TRMT11: variants seen among roughly 807,000 people sequenced by gnomAD.
TRMT11 encodes the protein tRNA methyltransferase 11.
In TRMT11, 53 loss-of-function variants were observed where a neutral mutation model predicts 62.8. That is an observed-to-expected ratio of 0.84 (90% confidence interval 0.68 to 1.06). TRMT11 has a LOEUF of 1.06. Ranked by LOEUF, TRMT11 falls within the 50% of genes least tolerant of loss-of-function variation. The pLI is 0.00. For synonymous variants in TRMT11, 188 were observed against 190.3 expected (o/e 0.99, Z 0.10); for missense variants, 556 against 553.4 (o/e 1.00, Z -0.05).
At chr6:126,099,278 G>C (rs1777371754) in intron 17 of TRMT11, among the ~76,000 whole-genome samples, 1 of 152,156 alleles carries the variant, frequency 6.6e-6, no homozygotes, top group Non-Finnish European at 1.5e-5. Context: ...GCACATCTTT[G>C]CTTTCACTTA....
At chr6:126,139,620 C>T (rs887929468) in intron 21 of TRMT11, among the ~76,000 whole-genome samples, 5 of 152,104 alleles carry the variant, frequency 3.3e-5, no homozygotes, top group Non-Finnish European at 7.4e-5. Context: ...CCACCCACCT[C>T]ACTCTCCCAA....
At chr6:126,102,528 A>G (rs1386935356) in intron 17 of TRMT11, among the ~76,000 whole-genome samples, 1 of 151,852 alleles carries the variant, frequency 6.6e-6, no homozygotes, top group Non-Finnish European at 1.5e-5. Context: ...AGAAGATGAA[A>G]TAAACAAGCC....
chr6:125,998,077 T>C lies in TRMT11; in HGVS notation c.237T>C (p.His79=). 6.2e-7 allele frequency: 1 copy of C among 1,613,096 alleles called. No homozygotes were observed. Among genetic ancestry groups the C allele is most frequent in the Non-Finnish European group, 8.5e-7 (1 of 1,179,400 alleles). The part of the protein sequence containing the change: ...CAKSIFELWG[H]GQSPEELYSS... ...GGTCTATATTTGAACTATGGGGTCA[T>C]GGACAATCTCCTGAGGAGCTGTACA... is the stretch of plus-strand genomic sequence containing the variant. Residue 79 remains histidine (H), a synonymous_variant, in exon 4 of 13, where the codon CAT becomes CAC. Transcript: ENST00000334379.
the TRMT11 span, among the ~76,000 whole-genome samples, chr6:126,222,162 A>T: frequency 6.6e-6 from 1 of 152,040 alleles, no homozygotes; most frequent in African/African-American, 2.4e-5. Context: ...CTGTTCCATT[A>T]GTCTATGTGT....
chr6:126,008,407 C>T lies in TRMT11; in HGVS notation c.695C>T (p.Ala232Val). 2 of 1,613,072 alleles carry T rather than the reference C, an allele frequency of 1.2e-6. No individual in the cohort carries two copies. The highest frequency in any genetic ancestry group is 1.7e-6 in the Non-Finnish European group (2 of 1,179,184). ...PFVGTGGLLI[A>V]CAHFGAYVYG... ...GATTTTTCAGGTGGCCTGCTGATAG[C>T]ATGTGCTCATTTTGGTGCATATGTG... Residue 232 changes from alanine (A) to valine (V), a missense_variant, in exon 8 of 13, where the codon GCA becomes GTA. Physicochemically the swap from Ala to Val is moderately conservative, Grantham distance 64. Coordinates refer to ENST00000334379, the MANE Select transcript of TRMT11 (RefSeq NM_001031712.3).
chr6:126,196,483 T>G (rs1191091035), intron 1 of TRMT11, among the ~76,000 whole-genome samples: 1 of 152,046 alleles, frequency 6.6e-6, no homozygotes, highest in African/African-American at 2.4e-5. Context: ...AAATTTTCTT[T>G]TTATTAATAA....
At chr6:126,011,203 T>A (rs746440652) in intron 8 of TRMT11, 50 bp from the exon 9 acceptor site, 2 of 1,461,754 alleles carry the variant, frequency 1.4e-6, no homozygotes, top group Admixed American at 2.2e-5. Context: ...TGACAGAAAA[T>A]AAGAATACTC....
At chr6:126,242,140 A>G in the TRMT11 span, among the ~76,000 whole-genome samples, 1 of 152,214 alleles carries the variant, frequency 6.6e-6, no homozygotes, top group African/African-American at 2.4e-5. Context: ...TATACCAATA[A>G]CAGACAAACA....
the TRMT11 span, among the ~76,000 whole-genome samples, chr6:126,227,097 G>A: frequency 6.6e-6 from 1 of 152,148 alleles, no homozygotes; most frequent in African/African-American, 2.4e-5. Context: ...TGCCCAGTTT[G>A]GGTATTCTTT....
At chr6:126,090,341 AAGTAT>A (rs1263232060) in intron 17 of TRMT11, among the ~76,000 whole-genome samples, 9 of 152,198 alleles carry the variant, frequency 5.9e-5, no homozygotes, top group Non-Finnish European at 1.2e-4. Context: ...CTTTTGAGTG[AAGTAT>A]GACTTAGACA....
At chr6:126,199,032 A>T (rs183917763) in intron 2 of TRMT11, among the ~76,000 whole-genome samples, 53 of 152,348 alleles carry the variant, frequency 3.5e-4, no homozygotes, top group African/African-American at 1.2e-3. Context: ...CTATAACTAA[A>T]GTACTTTGAG....
At chr6:126,211,888 A>AT in the TRMT11 span, among the ~76,000 whole-genome samples, 6 of 151,820 alleles carry the variant, frequency 4.0e-5, no homozygotes. Flanking sequence ...TTTTCTAACT[A>AT]TTTTTTGTAT....
upstream of TRMT11, among the ~76,000 whole-genome samples, chr6:126,173,531 C>T (rs527871618): frequency 1.8e-4 from 27 of 152,134 alleles, no homozygotes; most frequent in Admixed American, 3.3e-4. Flanking sequence ...GCAAGGCAGT[C>T]GGGGCAAGCA....
In TRMT11 at chr6:126,039,032, T is replaced by G; in HGVS notation, c.*196T>G. 1 of 435,716 alleles carries G rather than the reference T, an allele frequency of 2.3e-6. No homozygotes were observed. Among genetic ancestry groups the G allele is most frequent in the Non-Finnish European group, 4.0e-6 (1 of 250,652 alleles). The allele number at this position is 435,716 out of a possible 1,614,324, so 27.0% of individuals were successfully genotyped here. Reference sequence around the variant, plus strand: ...TTTTTTGTTGTATGTATTACAGTCTTTATAATCTTATTTAATGTATATTTG... The same window carrying G: ...TTTTTTGTTGTATGTATTACAGTCTGTATAATCTTATTTAATGTATATTTG... On this transcript the variant is annotated 3_prime_UTR_variant, in exon 13 of 13. Coordinates refer to ENST00000334379, the MANE Select transcript of TRMT11 (RefSeq NM_001031712.3).
chr6:126,256,589 C>G, the TRMT11 span, among the ~76,000 whole-genome samples: 1 of 152,248 alleles, frequency 6.6e-6, no homozygotes, highest in Middle Eastern at 3.4e-3. Flanking sequence ...CATCTCAAAT[C>G]CACTCAAAAT....
downstream of TRMT11, among the ~76,000 whole-genome samples, chr6:126,043,092 G>A (rs1450867085): frequency 6.6e-6 from 1 of 151,016 alleles, no homozygotes; most frequent in African/African-American, 2.4e-5. Context: ...TAGGGTACAT[G>A]TGCATAATGT....
At chr6:126,190,740 A>G (rs1778588675) in intron 1 of TRMT11, among the ~76,000 whole-genome samples, 1 of 152,158 alleles carries the variant, frequency 6.6e-6, no homozygotes, top group Non-Finnish European at 1.5e-5. Context: ...TATGACCCAC[A>G]GTTCCCTCCA....
At chr6:126,190,575 T>C (rs1452485940) in intron 1 of TRMT11, among the ~76,000 whole-genome samples, 1 of 152,158 alleles carries the variant, frequency 6.6e-6, no homozygotes, top group Non-Finnish European at 1.5e-5. Context: ...GTAGTATTCT[T>C]TATAGCAGTG....
intron 1 of TRMT11, among the ~76,000 whole-genome samples, chr6:126,188,908 AT>A (rs1342274626): frequency 6.6e-6 from 1 of 152,200 alleles, no homozygotes; most frequent in Non-Finnish European, 1.5e-5. Context: ...TATAGCTATT[AT>A]ATTCAAATCA....
Sources: gnomAD v4.1 joint callset for allele counts (sites outside exome capture counted in the v4.1 genomes callset) on GRCh38, gnomAD v4.1.1 for gene constraint, MANE v1.5 for transcripts, NCBI Gene and HGNC (gene_info 2026-07-23, HGNC 2026-07-21) for gene names.